Variants in SRBD1 observed in about 807,000 individuals in gnomAD.
SRBD1 encodes S1 RNA-binding domain-containing protein 1.
Under a neutral mutation model 115.3 loss-of-function variants are expected in SRBD1, and 88 were observed. The ratio of observed to expected loss-of-function variants is 0.76; its 90% CI spans 0.64 to 0.91. The LOEUF is 0.91. Ranked by LOEUF, SRBD1 falls within the 40% of genes least tolerant of loss-of-function variation. The pLI, the probability that SRBD1 is intolerant of heterozygous loss-of-function variation, is 0.00. For missense variants in SRBD1, 1,385 were observed against 1,177.4 expected, an observed-to-expected ratio of 1.18 and a Z score of -2.58; for synonymous variants, 509 against 407.7, an observed-to-expected ratio of 1.25 and a Z score of -2.99.
At chr2:45,599,917 A>G in intron 3 of SRBD1, 82 bp from the exon 4 acceptor site, 1 of 1,412,682 alleles carries the variant, frequency 7.1e-7, no homozygotes, top group Non-Finnish European at 9.4e-7. Context: ...ATAAAAGTGA[A>G]CAAATTATTG....
intron 3 of SRBD1, 51 bp downstream of exon 3, chr2:45,601,852 A>C (rs1572829196): frequency 3.2e-6 from 5 of 1,586,816 alleles, no homozygotes; most frequent in Non-Finnish European, 4.3e-6. Context: ...AAATAACATC[A>C]CCAATCAGGA....
chr2:45,500,374 C>A (rs551811496), intron 14 of SRBD1, among the ~76,000 whole-genome samples: 69 of 151,062 alleles, frequency 4.6e-4, no homozygotes, highest in Middle Eastern at 6.9e-3. Context: ...ATAAATGAGA[C>A]TGCTTTCTCG....
At chr2:45,526,103 G>A (rs1283136898) in intron 14 of SRBD1, among the ~76,000 whole-genome samples, 1 of 151,948 alleles carries the variant, frequency 6.6e-6, no homozygotes, top group Non-Finnish European at 1.5e-5. Flanking sequence ...ACTTTTAGGT[G>A]TATACCTAAG....
intron 16 of SRBD1, among the ~76,000 whole-genome samples, chr2:45,473,407 A>T (rs1004526308): frequency 6.6e-6 from 1 of 152,178 alleles, no homozygotes; most frequent in African/African-American, 2.4e-5. Context: ...GCTCAACTAT[A>T]CATTTTACTG....
chr2:45,468,430 C>G (rs1248155104), intron 16 of SRBD1, among the ~76,000 whole-genome samples: 1 of 151,302 alleles, frequency 6.6e-6, no homozygotes, highest in Non-Finnish European at 1.5e-5. Flanking sequence ...CTCTGTTGCC[C>G]TGGCTGGAGT....
chr2:45,403,210 G>C (rs924242654), intron 19 of SRBD1, among the ~76,000 whole-genome samples: 3 of 152,116 alleles, frequency 2.0e-5, no homozygotes, highest in African/African-American at 7.2e-5. Flanking sequence ...ATCCACAAGA[G>C]ATTCTGGAAG....
chr2:45,401,500 T>G (rs1667290948), intron 19 of SRBD1, among the ~76,000 whole-genome samples: 1 of 152,220 alleles, frequency 6.6e-6, no homozygotes, highest in Admixed American at 6.5e-5. Context: ...TGCCAATTCT[T>G]ATAAGGCAAG....
intron 16 of SRBD1, among the ~76,000 whole-genome samples, chr2:45,473,535 A>G (rs1669714386): frequency 6.6e-6 from 1 of 152,174 alleles, no homozygotes; most frequent in Non-Finnish European, 1.5e-5. Context: ...AGAAGGTTCA[A>G]AATTGTTTTT....
At chr2:45,489,609 C>A (rs1208027739) in intron 14 of SRBD1, among the ~76,000 whole-genome samples, 1 of 152,070 alleles carries the variant, frequency 6.6e-6, no homozygotes, top group Middle Eastern at 3.2e-3. Flanking sequence ...TTCATCATCA[C>A]CATCATCATG....
At chr2:45,605,694 A>C (rs181662179) in intron 1 of SRBD1, among the ~76,000 whole-genome samples, 1 of 152,282 alleles carries the variant, frequency 6.6e-6, no homozygotes, top group East Asian at 1.9e-4. Context: ...ACCTGAAGTC[A>C]GGAGTTCGAG....
intron 14 of SRBD1, among the ~76,000 whole-genome samples, chr2:45,490,510 G>T (rs558715497): frequency 6.6e-6 from 1 of 152,254 alleles, no homozygotes; most frequent in East Asian, 1.9e-4. Context: ...TAAAAAGACA[G>T]AGTATCCATG....
chr2:45,604,986 G>A (rs1674220630), intron 2 of SRBD1, among the ~76,000 whole-genome samples: 1 of 152,154 alleles, frequency 6.6e-6, no homozygotes, highest in South Asian at 2.1e-4. Flanking sequence ...CAAGGATGCT[G>A]CTAAAAATCC....
chr2:45,411,711 A>C (rs1364576734), intron 19 of SRBD1, among the ~76,000 whole-genome samples: 3 of 152,368 alleles, frequency 2.0e-5, no homozygotes, highest in Admixed American at 6.5e-5. Flanking sequence ...CCTCAAAAGA[A>C]AAAAATCGTA....
chr2:45,403,562 C>A (rs1667347723), intron 19 of SRBD1, among the ~76,000 whole-genome samples: 1 of 152,120 alleles, frequency 6.6e-6, no homozygotes, highest in Non-Finnish European at 1.5e-5. Flanking sequence ...GAGCTTACAG[C>A]CAATAATTAT....
chr2:45,472,697 C>T (rs1669686466), intron 16 of SRBD1, among the ~76,000 whole-genome samples: 2 of 152,136 alleles, frequency 1.3e-5, no homozygotes, highest in African/African-American at 4.8e-5. Context: ...TACTAAGACT[C>T]CTGCAAAAAC....
In SRBD1 at chr2:45,389,160, AG is replaced by A. The variant is rs1666926794; in HGVS notation, c.*149del. 1.1e-6 allele frequency: 1 copy of A among 950,162 alleles called. No individual in the cohort carries two copies. The highest frequency in any genetic ancestry group is 2.6e-5 in the East Asian group (1 of 37,762). The allele number at this position is 950,162 out of a possible 1,614,324, so 58.9% of individuals were successfully genotyped here. ...ACTGTTGGTTTTCTATTTATTCAGAAGAAAAAATAAAGGAAAGTGTTTGGAA... is the reference window on the plus strand; with the variant it reads ...ACTGTTGGTTTTCTATTTATTCAGAAAAAAAATAAAGGAAAGTGTTTGGAA... On this transcript the variant is annotated 3_prime_UTR_variant, in exon 21 of 21. Transcript: ENST00000263736.
intron 14 of SRBD1, among the ~76,000 whole-genome samples, chr2:45,528,982 G>C (rs1032846071): frequency 2.6e-5 from 4 of 151,884 alleles, no homozygotes; most frequent in Non-Finnish European, 4.4e-5. Flanking sequence ...TGTACAGATA[G>C]AAGTGCTCAA....
intron 7 of SRBD1, among the ~76,000 whole-genome samples, chr2:45,577,209 T>G (rs1673206518): frequency 1.3e-5 from 2 of 152,216 alleles, no homozygotes; most frequent in African/African-American, 2.4e-5. Flanking sequence ...ACATTCCCCT[T>G]CTCAGTCCAA....
intron 3 of SRBD1, among the ~76,000 whole-genome samples, chr2:45,601,694 T>C (rs992928580): frequency 5.3e-5 from 8 of 152,212 alleles, no homozygotes; most frequent in Non-Finnish European, 8.8e-5. Flanking sequence ...TTACCAGCAC[T>C]ACCACACCCA....
Sources: gnomAD v4.1 joint callset for allele counts (sites outside exome capture counted in the v4.1 genomes callset) on GRCh38, gnomAD v4.1.1 for gene constraint, MANE v1.5 for transcripts, NCBI Gene and HGNC (gene_info 2026-07-23, HGNC 2026-07-21) for gene names.